Variants in CCDC60 observed in about 807,000 individuals in gnomAD.
CCDC60 encodes the protein coiled-coil domain-containing protein 60.
A neutral mutation model predicts 63.5 loss-of-function variants in CCDC60; 54 were observed. The observed-to-expected ratio is 0.85, with a 90% CI of 0.68 to 1.07. CCDC60 has a LOEUF of 1.07. Ranked by LOEUF, CCDC60 falls within the 50% of genes least tolerant of loss-of-function variation. The pLI is 0.00. For missense variants in CCDC60, 651 were observed against 684.3 expected (o/e 0.95, Z 0.54); for synonymous variants, 206 against 238.8 (o/e 0.86, Z 1.27).
chr12:119,496,460 C>T (rs186936974), intron 5 of CCDC60, among the ~76,000 whole-genome samples: 5 of 152,192 alleles, frequency 3.3e-5, no homozygotes, highest in African/African-American at 1.2e-4. Context: ...GGGAAAATTA[C>T]GGTCTGAAAG....
In CCDC60 at chr12:119,490,767, T is replaced by C. The variant is rs527711286; in HGVS notation, c.557+1901T>C. 3.9e-5 allele frequency among the ~76,000 whole-genome samples: 6 copies of C among 152,066 alleles called. No homozygotes were observed. The South Asian group carries it at 8.3e-4, about 21-fold the overall frequency. ...AATTGTTTTTTAAGTTTTTTAGAGA[T>C]GGTGTCTTGCTATGTTGCCCAGGCT... is the stretch of plus-strand genomic sequence containing the variant. On this transcript the variant is annotated intron_variant, in intron 5 of 13. Transcript: ENST00000327554.
At chr12:119,427,128 A>G (rs1317771769) in intron 1 of CCDC60, among the ~76,000 whole-genome samples, 1 of 142,864 alleles carries the variant, frequency 7.0e-6, no homozygotes, top group Non-Finnish European at 1.6e-5. Flanking sequence ...TTTCTCTTTC[A>G]TTATGTAACT....
At chr12:119,462,877 G>A (rs1451425830) in intron 2 of CCDC60, among the ~76,000 whole-genome samples, 2 of 151,766 alleles carry the variant, frequency 1.3e-5, no homozygotes, top group African/African-American at 4.8e-5. Context: ...AGGCTGTAGT[G>A]CAGTGATGCG....
At chr12:119,452,094 G>A (rs1269610759) in intron 2 of CCDC60, among the ~76,000 whole-genome samples, 3 of 152,148 alleles carry the variant, frequency 2.0e-5, no homozygotes, top group African/African-American at 4.8e-5. Flanking sequence ...CTAGAGATTC[G>A]TTTAGCCAAA....
intron 1 of CCDC60, among the ~76,000 whole-genome samples, chr12:119,363,800 C>T (rs1955814728): frequency 6.6e-6 from 1 of 152,094 alleles, no homozygotes; most frequent in Non-Finnish European, 1.5e-5. Context: ...CTTTATTTTG[C>T]TACCATTTTT....
intron 11 of CCDC60, among the ~76,000 whole-genome samples, chr12:119,525,338 G>A (rs563096937): frequency 8.5e-5 from 13 of 152,254 alleles, no homozygotes; most frequent in African/African-American, 2.2e-4. Flanking sequence ...TCATCCCCAA[G>A]ACACATAATC....
At chr12:119,500,752 G>A (rs1285534066) in intron 6 of CCDC60, among the ~76,000 whole-genome samples, 1 of 152,150 alleles carries the variant, frequency 6.6e-6, no homozygotes, top group Non-Finnish European at 1.5e-5. Context: ...TATTAGGGAG[G>A]CTGAAGTGAG....
intron 11 of CCDC60, chr12:119,524,302 A>G (rs186167412): frequency 1.0e-4 from 21 of 209,462 alleles, no homozygotes; most frequent in Non-Finnish European, 1.7e-4. Flanking sequence ...TGCCAGAGTT[A>G]TGATGCGGGA....
At chr12:119,395,969 G>A (rs377447373) in intron 1 of CCDC60, among the ~76,000 whole-genome samples, 3 of 151,388 alleles carry the variant, frequency 2.0e-5, no homozygotes, top group East Asian at 3.9e-4. Flanking sequence ...ATGGAGTCTC[G>A]CTCTGTTGCC....
intron 3 of CCDC60, 110 bp from the exon 4 acceptor site, chr12:119,478,984 T>C (rs1051647251): frequency 1.3e-6 from 1 of 747,566 alleles, no homozygotes; most frequent in Non-Finnish European, 2.4e-6. Flanking sequence ...ATTTGCCTGA[T>C]ACATAGTAAG....
chr12:119,443,094 G>C (rs997233864), intron 2 of CCDC60, among the ~76,000 whole-genome samples: 1 of 152,182 alleles, frequency 6.6e-6, no homozygotes, highest in Non-Finnish European at 1.5e-5. Flanking sequence ...ACGTGCATCA[G>C]GAATATCACT....
intron 2 of CCDC60, among the ~76,000 whole-genome samples, chr12:119,464,789 C>T (rs1169567344): frequency 3.3e-5 from 5 of 152,078 alleles, no homozygotes; most frequent in African/African-American, 7.2e-5. Context: ...CAGGTCACTC[C>T]GATCCAATGT....
intron 1 of CCDC60, among the ~76,000 whole-genome samples, chr12:119,369,654 A>C (rs1278081857): frequency 6.6e-6 from 1 of 152,180 alleles, no homozygotes; most frequent in Non-Finnish European, 1.5e-5. Context: ...GGAGAAAATA[A>C]TAATACTTAG....
chr12:119,401,795 T>A (rs1956397089), intron 1 of CCDC60, among the ~76,000 whole-genome samples: 1 of 152,238 alleles, frequency 6.6e-6, no homozygotes, highest in Non-Finnish European at 1.5e-5. Flanking sequence ...AGCTGCTAAT[T>A]AATTCTTGTA....
chr12:119,368,389 A>G (rs1222726450), intron 1 of CCDC60, among the ~76,000 whole-genome samples: 3 of 152,232 alleles, frequency 2.0e-5, no homozygotes, highest in Non-Finnish European at 4.4e-5. Context: ...GAATGATAGT[A>G]AATGATATTA....
At chr12:119,450,467 G>A (rs61938109) in intron 2 of CCDC60, among the ~76,000 whole-genome samples, 10,109 of 152,254 alleles carry the variant, frequency 0.066, 320 homozygotes, top group East Asian at 0.089. Context: ...AGGTGGAGAA[G>A]AGCAGAGCAT....
At chr12:119,367,411 A>G (rs1386808438) in intron 1 of CCDC60, among the ~76,000 whole-genome samples, 1 of 152,178 alleles carries the variant, frequency 6.6e-6, no homozygotes, top group Non-Finnish European at 1.5e-5. Context: ...TCCCTACATG[A>G]TAATTCCACC....
intron 2 of CCDC60, chr12:119,447,654 A>G (rs2136275671): frequency 6.6e-6 from 1 of 152,372 alleles, no homozygotes; most frequent in East Asian, 1.9e-4. Flanking sequence ...TGGAGCTTGC[A>G]TTCTCGAAAA....
At chr12:119,474,166 G>A (rs537933075) in intron 3 of CCDC60, among the ~76,000 whole-genome samples, 68 of 152,222 alleles carry the variant, frequency 4.5e-4, no homozygotes, top group African/African-American at 1.5e-3. Flanking sequence ...TGCAAAGAAC[G>A]GCCATAATAT....
Sources: gnomAD v4.1 joint callset for allele counts (sites outside exome capture counted in the v4.1 genomes callset) on GRCh38, gnomAD v4.1.1 for gene constraint, MANE v1.5 for transcripts, NCBI Gene and HGNC (gene_info 2026-07-23, HGNC 2026-07-21) for gene names.